SLC9A9: variants seen among roughly 807,000 people sequenced by gnomAD.
SLC9A9 encodes sodium/hydrogen exchanger 9.
Under a neutral mutation model 77.8 loss-of-function variants are expected in SLC9A9, and 62 were observed. The ratio of observed to expected loss-of-function variants is 0.80; its 90% confidence interval spans 0.65 to 0.98. The LOEUF (loss-of-function observed/expected upper bound fraction) is 0.98, where lower values mean the gene tolerates loss of function less well. Among genes scored for constraint, SLC9A9 ranks in the 50% least tolerant of loss-of-function variants. The pLI is 0.00. For synonymous variants in SLC9A9, 320 were observed against 283.5 expected (o/e 1.13, Z -1.29); for missense variants, 775 against 774.9 (o/e 1.00, Z 0.00).
rs1374057906 is a variant in SLC9A9, at chr3:143,502,666, C to T, written c.1090-7218G>A. Among the ~76,000 whole-genome samples, 4 of 152,010 alleles carry T rather than the reference C, an allele frequency of 2.6e-5. No individual in the cohort carries two copies. The South Asian group carries it at 6.2e-4, about 24-fold the overall frequency. ...TCCTCAACATAGCTTTTATGAGGCT[C>T]GACACAGCTTTTATGAGGCTCGACA... is the stretch of plus-strand genomic sequence containing the variant. On this transcript the variant is annotated intron_variant, in intron 9 of 15. Transcript: ENST00000316549.
Position 143,638,320 on chromosome 3 carries a change from A to G in SLC9A9, c.755+13935T>C, listed in dbSNP as rs540406980. Among the ~76,000 whole-genome samples the G allele has an allele frequency of 1.2e-4, 18 of 152,380 alleles. No homozygotes were observed. In the East Asian group the frequency reaches 2.3e-3, roughly 20 times the overall value. ...GCACAGACTTTAGAATTTGACTTTC[A>G]TATATCCAATTTGAATTAATTGCCT... On this transcript the variant is annotated intron_variant, in intron 6 of 15. Coordinates refer to ENST00000316549, the MANE Select transcript of SLC9A9 (RefSeq NM_173653.4).
intron 14 of SLC9A9, among the ~76,000 whole-genome samples, chr3:143,361,859 T>C (rs2032764547): frequency 6.6e-6 from 1 of 152,252 alleles, no homozygotes; most frequent in African/African-American, 2.4e-5. Context: ...CAAGTTTTTT[T>C]TCACTTTATT....
In SLC9A9 at chr3:143,754,531, G is replaced by A. The variant is rs530890742; in HGVS notation, c.533+40470C>T. On this transcript the variant is annotated intron_variant, in intron 4 of 15. Coordinates refer to ENST00000316549, the MANE Select transcript of SLC9A9 (RefSeq NM_173653.4). ...AATAATTGGGGAATGTGTTAAACCT[G>A]CCATCAACTTGCTTTATTGATGTGA... Among the ~76,000 whole-genome samples, 31 of 152,278 alleles carry A rather than the reference G, an allele frequency of 2.0e-4. No individual in the cohort carries two copies. In the South Asian group the frequency reaches 6.0e-3, roughly 30 times the overall value.
chr3:143,706,802 A>G (rs1384877928), intron 4 of SLC9A9, among the ~76,000 whole-genome samples: 2 of 152,204 alleles, frequency 1.3e-5, no homozygotes, highest in Non-Finnish European at 2.9e-5. Flanking sequence ...TAAACATTAT[A>G]AGATTTTTCT....
At chr3:143,558,868 G>A (rs867524442) in intron 8 of SLC9A9, among the ~76,000 whole-genome samples, 11 of 152,100 alleles carry the variant, frequency 7.2e-5, no homozygotes, top group African/African-American at 2.2e-4. Flanking sequence ...GGGGGCAGGG[G>A]CAGAATGTTA....
intron 14 of SLC9A9, among the ~76,000 whole-genome samples, chr3:143,281,378 A>C (rs1418737425): frequency 1.3e-5 from 2 of 152,218 alleles, no homozygotes; most frequent in East Asian, 3.8e-4. Context: ...TTCATTAAAA[A>C]AAATGCTGGT....
At chr3:143,726,209 CATGCACCCCTGAACTTAAAATAA>C (rs1934647890) in intron 4 of SLC9A9, among the ~76,000 whole-genome samples, 1 of 65,468 alleles carries the variant, frequency 1.5e-5, no homozygotes, top group African/African-American at 4.4e-5. Flanking sequence ...ACATCCTGCA[CATGCACCCCTGAACTTAAAATAA>C]AAGTTGGAAA....
At chr3:143,497,061 A>T (rs2035848074) in intron 9 of SLC9A9, among the ~76,000 whole-genome samples, 1 of 152,204 alleles carries the variant, frequency 6.6e-6, no homozygotes, top group East Asian at 1.9e-4. Flanking sequence ...ACTCCCTCAC[A>T]AGGGCCTCAC....
At chr3:143,372,094 A>G in intron 13 of SLC9A9, 1 of 295,112 alleles carries the variant, frequency 3.4e-6, no homozygotes, top group Non-Finnish European at 6.9e-6. Flanking sequence ...AACATATCAC[A>G]TGGTTATGGA....
intron 13 of SLC9A9, among the ~76,000 whole-genome samples, chr3:143,373,357 A>G (rs1037110947): frequency 2.0e-5 from 3 of 152,162 alleles, no homozygotes; most frequent in African/African-American, 7.2e-5. Flanking sequence ...CGAATGGTAA[A>G]CCAAATAACT....
intron 4 of SLC9A9, among the ~76,000 whole-genome samples, chr3:143,733,566 A>G (rs925853767): frequency 6.6e-6 from 1 of 152,102 alleles, no homozygotes; most frequent in African/African-American, 2.4e-5. Flanking sequence ...GGAGAAGTAG[A>G]GTAGAAAGAG....
chr3:143,298,903 C>T (rs2030395358), intron 14 of SLC9A9, among the ~76,000 whole-genome samples: 1 of 152,146 alleles, frequency 6.6e-6, no homozygotes, highest in African/African-American at 2.4e-5. Flanking sequence ...TGGAACAAAT[C>T]CTGAGGCCAC....
At chr3:143,669,599 G>C (rs1172321179) in intron 5 of SLC9A9, among the ~76,000 whole-genome samples, 1 of 152,172 alleles carries the variant, frequency 6.6e-6, no homozygotes, top group Non-Finnish European at 1.5e-5. Flanking sequence ...TCCATAACTA[G>C]CTTCCAACTT....
chr3:143,394,134 C>G (rs4521222), intron 12 of SLC9A9, among the ~76,000 whole-genome samples: 15,825 of 152,152 alleles, frequency 0.1, 934 homozygotes, highest in South Asian at 0.16. Flanking sequence ...CAAAACCTGG[C>G]AGAGACACAA....
chr3:143,300,646 T>G (rs1457287342), intron 14 of SLC9A9, among the ~76,000 whole-genome samples: 2 of 152,222 alleles, frequency 1.3e-5, no homozygotes, highest in African/African-American at 4.8e-5. Context: ...AGGCTATGCT[T>G]TGAGCAATGG....
At chr3:143,341,049 A>G (rs1262068581) in intron 14 of SLC9A9, among the ~76,000 whole-genome samples, 2 of 152,212 alleles carry the variant, frequency 1.3e-5, no homozygotes, top group East Asian at 3.8e-4. Context: ...AAAATTTTTA[A>G]GACTATCCCT....
At chr3:143,712,856 G>A (rs755625559) in intron 4 of SLC9A9, among the ~76,000 whole-genome samples, 4 of 152,148 alleles carry the variant, frequency 2.6e-5, no homozygotes, top group Non-Finnish European at 5.9e-5. Context: ...ACAGAAAATT[G>A]CCAAGACCTT....
chr3:143,814,870 A>G (rs766207378), intron 2 of SLC9A9, among the ~76,000 whole-genome samples: 2 of 152,136 alleles, frequency 1.3e-5, no homozygotes, highest in African/African-American at 2.4e-5. Flanking sequence ...ACTGCCTTAC[A>G]CCAAGAAGTG....
intron 13 of SLC9A9, among the ~76,000 whole-genome samples, chr3:143,379,402 C>G (rs1030267008): frequency 2.0e-5 from 3 of 152,172 alleles, no homozygotes; most frequent in African/African-American, 7.2e-5. Context: ...TTGTTACCTC[C>G]CATCAGAGCC....
Sources: allele counts gnomAD v4.1 joint callset (sites outside exome capture counted in the v4.1 genomes callset), GRCh38; gene constraint gnomAD v4.1.1; transcripts MANE v1.5; gene names NCBI Gene and HGNC (gene_info 2026-07-23, HGNC 2026-07-21).